Variants in ANKRD13B observed in about 807,000 individuals in gnomAD.
ANKRD13B encodes the protein ankyrin repeat domain-containing protein 13B.
Under a neutral mutation model 74.4 loss-of-function variants are expected in ANKRD13B, and 33 were observed. The ratio of observed to expected loss-of-function variants is 0.44; its 90% CI spans 0.34 to 0.59. The LOEUF (loss-of-function observed/expected upper bound fraction) is 0.59, where lower values mean the gene tolerates loss of function less well. Ranked by LOEUF, ANKRD13B falls within the 20% of genes least tolerant of loss-of-function variation. ANKRD13B has a pLI of 0.02. For missense variants in ANKRD13B, 676 were observed against 877.9 expected, an observed-to-expected ratio of 0.77 and a Z score of 2.91; for synonymous variants, 341 against 362.9, an observed-to-expected ratio of 0.94 and a Z score of 0.68.
chr17:29,607,538 T>C (rs2034431327), intron 1 of ANKRD13B, among the ~76,000 whole-genome samples: 1 of 152,246 alleles, frequency 6.6e-6, no homozygotes, highest in African/African-American at 2.4e-5. Context: ...CCCCTTTCCA[T>C]CCACGTGTCT....
Position 29,608,785 on chromosome 17 carries a change from CCTGAG to C in ANKRD13B, c.422-62_422-58del, listed in dbSNP as rs2034477883. On this transcript the variant is annotated intron_variant, in intron 4 of 14. Transcript: ENST00000394859. This position sits in a 1 kb window ranked among gnomAD's most constrained non-coding sequence, Gnocchi z 6.4. ...GCCACACGGATCCCAAACCCCATGC[CCTGAG>C]CTGGTCCAGGCCGTGTAGGCCAGAC... 3.8e-6 allele frequency: 6 copies of C among 1,598,606 alleles called. No individual in the cohort carries two copies. In the Admixed American group the frequency reaches 6.8e-5, roughly 18 times the overall value.
At chr17:29,603,232 A>G (rs2150885551) in intron 1 of ANKRD13B, among the ~76,000 whole-genome samples, 1 of 152,102 alleles carries the variant, frequency 6.6e-6, no homozygotes, top group South Asian at 2.1e-4. Context: ...AATGCTTGAT[A>G]ATGTCTTACA....
chr17:29,593,824 C>A, intron 1 of ANKRD13B, 89 bp downstream of exon 1: 1 of 700,742 alleles, frequency 1.4e-6, no homozygotes, highest in Non-Finnish European at 1.9e-6. Context: ...GCTGTCCCGC[C>A]TCCCTGGCGA....
In ANKRD13B at chr17:29,613,701, G is replaced by A; in HGVS notation, c.*119G>A. On this transcript the variant is annotated 3_prime_UTR_variant, in exon 15 of 15. Transcript: ENST00000394859. ...CTGGAGACTGGAGCCACCGCCTCGCGGGTGCAGCAGCACAGCAGGCACGGT... is the reference window on the plus strand; with the variant it reads ...CTGGAGACTGGAGCCACCGCCTCGCAGGTGCAGCAGCACAGCAGGCACGGT... 7.4e-7 allele frequency: 1 copy of A among 1,356,060 alleles called. No individual in the cohort carries two copies. 84.0% of individuals were successfully genotyped at this position (1,356,060 alleles called of 1,614,324 possible). A position where few individuals can be genotyped will look rare whatever the true frequency, so the allele number is the denominator to read the frequency against.
intron 1 of ANKRD13B, among the ~76,000 whole-genome samples, chr17:29,600,334 T>C (rs1415357558): frequency 6.6e-6 from 1 of 152,188 alleles, no homozygotes; most frequent in African/African-American, 2.4e-5. Context: ...CAGGCTGGCC[T>C]GTTCATTGTA....
intron 8 of ANKRD13B, 75 bp downstream of exon 8, chr17:29,610,841 A>G (rs1167175842): frequency 3.5e-6 from 5 of 1,426,062 alleles, no homozygotes; most frequent in Non-Finnish European, 4.9e-6. Flanking sequence ...TGCTTCCATC[A>G]GTATTCCCAC....
chr17:29,594,430 C>A (rs1164474268), intron 1 of ANKRD13B, among the ~76,000 whole-genome samples: 1 of 152,238 alleles, frequency 6.6e-6, no homozygotes, highest in Non-Finnish European at 1.5e-5. Flanking sequence ...ACCAGGTGGG[C>A]TCCCTGGTTT....
chr17:29,609,697 A>G lies in ANKRD13B; in HGVS notation c.822+276A>G, dbSNP rs775603462. Reference sequence around the variant, plus strand: ...TTCTGTTAGTATTCCCATTTTACGCATGTTTATTGAGTCCTTTCCTTGGCA... The same window carrying G: ...TTCTGTTAGTATTCCCATTTTACGCGTGTTTATTGAGTCCTTTCCTTGGCA... On this transcript the variant is annotated intron_variant, in intron 7 of 14. Transcript: ENST00000394859. This position sits in a 1 kb window ranked among gnomAD's most constrained non-coding sequence, Gnocchi z 4.0. 1.6e-4 allele frequency among the ~76,000 whole-genome samples: 24 copies of G among 152,166 alleles called. No individual in the cohort carries two copies. The highest frequency in any genetic ancestry group is 2.8e-4 in the Non-Finnish European group (19 of 68,020).
rs1272685533 is a variant in ANKRD13B at position 29,612,976 on chromosome 17, T to A, written c.1652+13T>A. 3.1e-6 allele frequency: 5 copies of A among 1,594,610 alleles called. No individual in the cohort carries two copies. The highest frequency in any genetic ancestry group is 1.1e-5 in the South Asian group (1 of 90,428). ...GCCGACAGGACAGGTCAGTGCCCGC[T>A]GGGCCGGAGAGAATCCTCCGGAGAG... is the stretch of plus-strand genomic sequence containing the variant. On this transcript the variant is annotated intron_variant, in intron 14 of 14. Coordinates refer to ENST00000394859, the MANE Select transcript of ANKRD13B (RefSeq NM_152345.5). The surrounding 1 kb of genome is among the most constrained non-coding windows in gnomAD (Gnocchi z 6.1).
chr17:29,613,503 A>T lies in ANKRD13B; in HGVS notation c.1802A>T (p.Gln601Leu). The part of the protein sequence containing the change: ...RLAMELSAQE[Q>L]EERRRRARQE... ...GCGATGGAACTGTCGGCGCAGGAGC[A>T]GGAGGAGAGGCGGCGGCGCGCGCGC... The change falls in exon 15 of 15, where the codon CAG becomes CTG. Residue 601 changes from glutamine to leucine, a missense_variant. Around this residue, in one of 4 missense-constraint regions of ANKRD13B, gnomAD observed 108 missense variants for 90.3 expected, o/e 1.20. Transcript: ENST00000394859. 1 of 1,530,940 alleles carries T rather than the reference A, an allele frequency of 6.5e-7. No homozygotes were observed. The allele number at this position is 1,530,940 out of a possible 1,614,324, so 94.8% of individuals were successfully genotyped here.
Position 29,593,647 on chromosome 17 carries a change from G to C in ANKRD13B, c.26G>C (p.Arg9Thr), listed in dbSNP as rs2033843587. 1 of 1,407,392 alleles carries C rather than the reference G, an allele frequency of 7.1e-7. No homozygotes were observed. The highest frequency in any genetic ancestry group is 9.4e-7 in the Non-Finnish European group (1 of 1,067,506). The allele number at this position is 1,407,392 out of a possible 1,614,324, so 87.2% of individuals were successfully genotyped here. ...ATGATCCCCGCCAACGCCTCCGCCA[G>C]GAAGGGGCCCGAGGGCAAGTATCCG... The part of the protein sequence containing the change: MIPANASA[R>T]KGPEGKYPLH... Residue 9 changes from arginine to threonine, a missense_variant, in exon 1 of 15, where the codon AGG (arginine) becomes ACG (threonine). By Grantham distance (71) the Arg-to-Thr change is moderately conservative. Around this residue, in one of 4 missense-constraint regions of ANKRD13B, gnomAD observed 88 missense variants for 87.8 expected, o/e 1.00. Transcript: ENST00000394859.
Position 29,608,943 on chromosome 17 carries a change from G to A in ANKRD13B, c.514G>A (p.Asp172Asn). Residue 172 changes from aspartate (D) to asparagine (N), a missense_variant, in exon 5 of 15, where the codon GAC (aspartate) becomes AAC (asparagine). By Grantham distance (23) the Asp-to-Asn change is conservative (BLOSUM62 1). Transcript: ENST00000394859. This position sits in a 1 kb window ranked among gnomAD's most constrained non-coding sequence, Gnocchi z 6.4. ...LRVDTTLLGF[D>N]HMTWQRGNRS... ...GGTAGACACCACACTCCTGGGCTTT[G>A]ACCACATGACCTGGCAGCGAGGGAA... 6.2e-7 allele frequency: 1 copy of A among 1,614,180 alleles called. No homozygotes were observed.
At chr17:29,601,066 G>A (rs2034158820) in intron 1 of ANKRD13B, among the ~76,000 whole-genome samples, 1 of 150,542 alleles carries the variant, frequency 6.6e-6, no homozygotes. Context: ...TGGGACGATA[G>A]GCATGCACCA....
rs546421025 is a variant in ANKRD13B, at chr17:29,610,550, T to C, written c.823-135T>C. On this transcript the variant is annotated intron_variant, in intron 7 of 14. Coordinates refer to ENST00000394859, the MANE Select transcript of ANKRD13B (RefSeq NM_152345.5). ...GAATGAATGAATGAATGACCTCATA[T>C]ATTCACTTACCCAAAAGCCTGAAGC... 11 of 594,296 alleles carry C rather than the reference T, an allele frequency of 1.9e-5. 1 individual carries two copies. In the South Asian group the frequency reaches 3.3e-4, roughly 18 times the overall value. 36.8% of individuals were successfully genotyped at this position (594,296 alleles called of 1,614,324 possible). A position where few individuals can be genotyped will look rare whatever the true frequency, so the allele number is the denominator to read the frequency against.
chr17:29,594,444 C>T (rs1015304719), intron 1 of ANKRD13B, among the ~76,000 whole-genome samples: 4 of 152,202 alleles, frequency 2.6e-5, no homozygotes, highest in Non-Finnish European at 4.4e-5. Flanking sequence ...CTGGTTTCTG[C>T]TGGTCAGTAA....
rs540661688 is a variant in ANKRD13B at position 29,613,677 on chromosome 17, T to G, written c.*95T>G. The G allele has an allele frequency of 3.9e-4, 536 of 1,370,204 alleles. 2 individuals carry two copies. In the African/African-American group the frequency reaches 7.9e-3, roughly 20 times the overall value. 84.9% of individuals were successfully genotyped at this position (1,370,204 alleles called of 1,614,324 possible). The stretch of plus-strand genomic sequence containing the variant: ...GCCTGCGCGCCTGCAGAGCGGCGGC[T>G]GGAGACTGGAGCCACCGCCTCGCGG... On this transcript the variant is annotated 3_prime_UTR_variant, in exon 15 of 15. Coordinates refer to ENST00000394859, the MANE Select transcript of ANKRD13B (RefSeq NM_152345.5).
chr17:29,599,865 GTTTTTTTTT>G (rs35600194), intron 1 of ANKRD13B, among the ~76,000 whole-genome samples: 43 of 50,766 alleles, frequency 8.5e-4, no homozygotes, highest in East Asian at 2.4e-3. Flanking sequence ...CATCTAATTT[GTTTTTTTTT>G]TTTTTTTTTT....
At chr17:29,597,086 C>T (rs1035333522) in intron 1 of ANKRD13B, among the ~76,000 whole-genome samples, 1 of 152,062 alleles carries the variant, frequency 6.6e-6, no homozygotes, top group South Asian at 2.1e-4. Context: ...CCTTCCTCCT[C>T]GTGGGCTGGG....
chr17:29,597,467 C>A (rs1045899358), intron 1 of ANKRD13B, among the ~76,000 whole-genome samples: 2 of 152,028 alleles, frequency 1.3e-5, no homozygotes, highest in East Asian at 3.9e-4. Flanking sequence ...TAGGGAGGCT[C>A]TCTGCCCAGG....
Sources: gnomAD v4.1 joint callset for allele counts (sites outside exome capture counted in the v4.1 genomes callset) on GRCh38, gnomAD v4.1.1 for gene constraint, gnomAD v4.1.1 regional missense constraint, Gnocchi (gnomAD v3.1) non-coding constraint, MANE v1.5 for transcripts, NCBI Gene and HGNC (gene_info 2026-07-23, HGNC 2026-07-21) for gene names.